Variants in ARIH1 observed in about 807,000 individuals in gnomAD.
The protein encoded by ARIH1 is ariadne RBR E3 ubiquitin protein ligase 1, also known as E3 ubiquitin-protein ligase ARIH1.
Under a neutral mutation model 85.0 loss-of-function variants are expected in ARIH1, and 8 were observed. That is an observed-to-expected ratio of 0.09 (90% confidence interval 0.06 to 0.17). ARIH1 has a LOEUF of 0.17. ARIH1 is among the 10% of genes least tolerant of loss of function. ARIH1 has a pLI of 1.00. For missense variants in ARIH1, 311 were observed against 718.1 expected (o/e 0.43, Z 6.48); for synonymous variants, 238 against 253.6 (o/e 0.94, Z 0.59).
rs1447242803 is a variant in ARIH1, at chr15:72,475,103, C to A, written c.375+89C>A. 2.0e-6 allele frequency: 3 copies of A among 1,513,342 alleles called. No individual in the cohort carries two copies. In the Admixed American group the frequency reaches 6.1e-5, roughly 31 times the overall value. 93.7% of individuals were successfully genotyped at this position (1,513,342 alleles called of 1,614,324 possible). ...GCGGTCCCGAGGGACAGGCCTGGGC[C>A]TGGTGCGCAGCCTAGCCCGGTGCCT... On this transcript the variant is annotated intron_variant, in intron 1 of 13. Transcript: ENST00000379887.
At chr15:72,523,077 C>T (rs942087310) in intron 2 of ARIH1, among the ~76,000 whole-genome samples, 2 of 152,146 alleles carry the variant, frequency 1.3e-5, no homozygotes, top group African/African-American at 2.4e-5. Context: ...TGGAAGACAG[C>T]GTGGCAGATT....
chr15:72,524,386 G>T (rs1228925083), intron 2 of ARIH1, among the ~76,000 whole-genome samples: 1 of 150,570 alleles, frequency 6.6e-6, no homozygotes, highest in African/African-American at 2.4e-5. Context: ...GCTAATGTTT[G>T]TATTTTTTGG....
chr15:72,533,885 C>T (rs760411923), intron 2 of ARIH1, among the ~76,000 whole-genome samples: 2 of 151,916 alleles, frequency 1.3e-5, no homozygotes, highest in African/African-American at 4.8e-5. Context: ...ACAACCTGGG[C>T]GACAGAGTGA....
At position 72,586,369 on chromosome 15, in the gene ARIH1, T is replaced by G. The variant is rs1462938871; in HGVS notation, c.*3077T>G. The G allele has an allele frequency of 6.6e-6, 1 of 152,066 alleles. No individual in the cohort carries two copies. The highest frequency in any genetic ancestry group is 1.5e-5 in the Non-Finnish European group (1 of 68,004). The allele number at this position is 152,066 out of a possible 1,614,324, so 9.4% of individuals were successfully genotyped here. On this transcript the variant is annotated 3_prime_UTR_variant, in exon 14 of 14. Transcript: ENST00000379887. The stretch of plus-strand genomic sequence containing the variant: ...GTAATAGAGCACTTGGGGGATGGGA[T>G]GGGGTGGGTTGGTGAGACAATCAGA...
chr15:72,570,073 A>G, intron 9 of ARIH1, 104 bp from the exon 10 acceptor site: 2 of 1,332,318 alleles, frequency 1.5e-6, no homozygotes, highest in Non-Finnish European at 2.1e-6. Flanking sequence ...ACCACAATAA[A>G]TAAAATGTTT....
intron 11 of ARIH1, 199 bp from the exon 12 acceptor site, chr15:72,580,532 T>G: frequency 1.7e-6 from 1 of 572,440 alleles, no homozygotes; most frequent in Non-Finnish European, 3.0e-6. Context: ...ATGGCTATAC[T>G]AATTTACATT....
intron 1 of ARIH1, among the ~76,000 whole-genome samples, chr15:72,514,141 G>GT (rs1336046571): frequency 6.6e-6 from 1 of 151,578 alleles, no homozygotes; most frequent in South Asian, 2.1e-4. Flanking sequence ...CACCTAGCCT[G>GT]TTTTTTGCTT....
At chr15:72,562,245 C>T (rs1353346784) in intron 6 of ARIH1, among the ~76,000 whole-genome samples, 1 of 152,140 alleles carries the variant, frequency 6.6e-6, no homozygotes, top group Non-Finnish European at 1.5e-5. Flanking sequence ...CATGCCTTTG[C>T]CCATTTGTTC....
rs540710355 is a variant in ARIH1 at position 72,533,770 on chromosome 15, G to A, written c.444-11050G>A. Among the ~76,000 whole-genome samples, 369 of 152,214 alleles carry A rather than the reference G, an allele frequency of 2.4e-3. 3 individuals carry two copies. The highest frequency in any genetic ancestry group is 5.2e-3 in the South Asian group (25 of 4,820). On this transcript the variant is annotated intron_variant, in intron 2 of 13. Coordinates refer to ENST00000379887, the MANE Select transcript of ARIH1 (RefSeq NM_005744.5). ...GAAAATTAAACAATTAGCTATGCAT[G>A]GTGGCATCTGCTTGTAGTCCCAGCT... is the stretch of plus-strand genomic sequence containing the variant.
intron 1 of ARIH1, among the ~76,000 whole-genome samples, chr15:72,504,011 C>T (rs10468054): frequency 0.042 from 6,371 of 152,212 alleles, 206 homozygotes; most frequent in East Asian, 0.15. Flanking sequence ...GTGGGGCAGC[C>T]GCCCTCCACT....
At chr15:72,496,333 A>G (rs1159512155) in intron 1 of ARIH1, among the ~76,000 whole-genome samples, 1 of 152,226 alleles carries the variant, frequency 6.6e-6, no homozygotes, top group Non-Finnish European at 1.5e-5. Context: ...TTATAAAGGC[A>G]GGAATGTAGA....
At position 72,597,114 on chromosome 15, in the gene ARIH1, A is replaced by G. The variant is rs887748345; in HGVS notation, c.*13822A>G. ...ATTGGATGATGGACGTTTTATGTTG[A>G]AAAAAAAAAGAAATTGAAGAAAATG... On this transcript the variant is annotated 3_prime_UTR_variant, in exon 14 of 14. Coordinates refer to ENST00000379887, the MANE Select transcript of ARIH1 (RefSeq NM_005744.5). 4.7e-4 allele frequency: 53 copies of G among 113,874 alleles called. 1 individual carries two copies. Among genetic ancestry groups the G allele is most frequent in the Admixed American group, 5.1e-4 (6 of 11,746 alleles). 7.1% of individuals were successfully genotyped at this position (113,874 alleles called of 1,614,324 possible).
rs1215452461 is a variant in ARIH1, at chr15:72,587,602, AGAT to A, written c.*4314_*4316del. 1 of 157,134 alleles carries A rather than the reference AGAT, an allele frequency of 6.4e-6. No individual in the cohort carries two copies. Among genetic ancestry groups the A allele is most frequent in the Non-Finnish European group, 1.4e-5 (1 of 71,290 alleles). The allele number at this position is 157,134 out of a possible 1,614,324, so 9.7% of individuals were successfully genotyped here. ...GATCTCAGCCTTTGAGGCTTTAAAA[AGAT>A]GATAAGCAGTGAGTTTTATGAGAAA... is the stretch of plus-strand genomic sequence containing the variant. On this transcript the variant is annotated 3_prime_UTR_variant, in exon 14 of 14. Coordinates refer to ENST00000379887, the MANE Select transcript of ARIH1 (RefSeq NM_005744.5).
intron 1 of ARIH1, among the ~76,000 whole-genome samples, chr15:72,482,864 A>G (rs564492548): frequency 2.1e-5 from 3 of 144,674 alleles, no homozygotes; most frequent in Admixed American, 1.4e-4. Flanking sequence ...TTTTAAAGAC[A>G]GAGGCTTGCT....
rs2064123098 is a variant in ARIH1 at position 72,545,086 on chromosome 15, A to G, written c.588+122A>G. 6 of 822,256 alleles carry G rather than the reference A, an allele frequency of 7.3e-6. No individual in the cohort carries two copies. In the East Asian group the frequency reaches 1.7e-4, roughly 24 times the overall value. The allele number at this position is 822,256 out of a possible 1,614,324, so 50.9% of individuals were successfully genotyped here. ...AGTAGTAACCTCTAAGCCATAACCT[A>G]TCAATGTATTCAGTGTGAGGAAAGG... On this transcript the variant is annotated intron_variant, in intron 3 of 13. Coordinates refer to ENST00000379887, the MANE Select transcript of ARIH1 (RefSeq NM_005744.5).
rs1567365897 is a variant in ARIH1 at position 72,594,803 on chromosome 15, C to CTTTTTT, written c.*11515_*11516insTTTTTT. The CTTTTTT allele has an allele frequency of 1.8e-5, 2 of 108,652 alleles. No individual in the cohort carries two copies. The highest frequency in any genetic ancestry group is 9.7e-5 in the African/African-American group (2 of 20,620). The allele number at this position is 108,652 out of a possible 1,614,324, so 6.7% of individuals were successfully genotyped here. ...TTTACTTCTTTTTCTGATTTTATGC[C>CTTTTTT]TTTTCTTCTTTTTTTTTTTTTTTTT... On this transcript the variant is annotated 3_prime_UTR_variant, in exon 14 of 14. Coordinates refer to ENST00000379887, the MANE Select transcript of ARIH1 (RefSeq NM_005744.5).
intron 1 of ARIH1, among the ~76,000 whole-genome samples, chr15:72,511,483 T>C (rs530918135): frequency 6.6e-6 from 1 of 152,256 alleles, no homozygotes; most frequent in East Asian, 1.9e-4. Context: ...TTTTGTATTT[T>C]TAGTAGAAAT....
chr15:72,520,991 G>A (rs1280282849), intron 2 of ARIH1, among the ~76,000 whole-genome samples: 2 of 151,762 alleles, frequency 1.3e-5, no homozygotes, highest in East Asian at 3.9e-4. Flanking sequence ...CCACAGGCAC[G>A]CATCACCATA....
In ARIH1 at chr15:72,588,406, G is replaced by A. The variant is rs539000390; in HGVS notation, c.*5114G>A. On this transcript the variant is annotated 3_prime_UTR_variant, in exon 14 of 14. Coordinates refer to ENST00000379887, the MANE Select transcript of ARIH1 (RefSeq NM_005744.5). The stretch of plus-strand genomic sequence containing the variant: ...AGCTTTAAAAAATATTAGTGCCTGA[G>A]TGTTACTTTATGGAGATTATGATTT... 1 of 152,290 alleles carries A rather than the reference G, an allele frequency of 6.6e-6. No individual in the cohort carries two copies. Among genetic ancestry groups the A allele is most frequent in the East Asian group, 1.9e-4 (1 of 5,182 alleles). 9.4% of individuals were successfully genotyped at this position (152,290 alleles called of 1,614,324 possible).
Sources: gnomAD v4.1 joint callset for allele counts (sites outside exome capture counted in the v4.1 genomes callset) on GRCh38, gnomAD v4.1.1 for gene constraint, MANE v1.5 for transcripts, NCBI Gene and HGNC (gene_info 2026-07-23, HGNC 2026-07-21) for gene names.